The following GYS2 variants were observed in gnomAD, a reference collection of about 807,000 sequenced individuals.
The protein encoded by GYS2 is glycogen synthase 2.
Under a neutral mutation model 85.6 loss-of-function variants are expected in GYS2, and 80 were observed. That is an observed-to-expected ratio of 0.93 (90% CI 0.78 to 1.13). The LOEUF (loss-of-function observed/expected upper bound fraction) is 1.13, where lower values mean the gene tolerates loss of function less well. Ranked by LOEUF, GYS2 falls within the 50% of genes most tolerant of loss-of-function variation. The pLI is 0.00. For synonymous variants in GYS2, 328 were observed against 300.7 expected (o/e 1.09, Z -0.94); for missense variants, 881 against 854.9 (o/e 1.03, Z -0.38).
chr12:21,589,322 G>A (rs1017279142), intron 1 of GYS2, among the ~76,000 whole-genome samples: 7 of 152,112 alleles, frequency 4.6e-5, no homozygotes, highest in East Asian at 1.9e-4. Context: ...TAACTAATTC[G>A]CTACTTCTTT....
At chr12:21,564,126 G>T (rs997323962) in intron 5 of GYS2, among the ~76,000 whole-genome samples, 4 of 152,194 alleles carry the variant, frequency 2.6e-5, no homozygotes, top group African/African-American at 7.2e-5. Context: ...TTGAATACAT[G>T]GGTTATCAGA....
At chr12:21,594,162 T>C (rs1368407438) in intron 1 of GYS2, among the ~76,000 whole-genome samples, 1 of 152,144 alleles carries the variant, frequency 6.6e-6, no homozygotes, top group Non-Finnish European at 1.5e-5. Flanking sequence ...TGGGAAAAGC[T>C]GGAAGCCTTT....
chr12:21,577,130 A>G (rs1487327380), intron 2 of GYS2, among the ~76,000 whole-genome samples: 1 of 152,028 alleles, frequency 6.6e-6, no homozygotes, highest in Non-Finnish European at 1.5e-5. Flanking sequence ...GACCCTCATT[A>G]TGTTTCAGTT....
At chr12:21,592,854 A>T (rs1786492486) in intron 1 of GYS2, among the ~76,000 whole-genome samples, 1 of 152,088 alleles carries the variant, frequency 6.6e-6, no homozygotes, top group Non-Finnish European at 1.5e-5. Context: ...CACATGACGC[A>T]TTCCCCAGGA....
At chr12:21,590,017 C>A (rs960001240) in intron 1 of GYS2, among the ~76,000 whole-genome samples, 11 of 152,206 alleles carry the variant, frequency 7.2e-5, no homozygotes, top group African/African-American at 2.6e-4. Context: ...TAGAAGTGGA[C>A]TCCCCCACCC....
At chr12:21,583,709 G>T (rs1191763792) in intron 1 of GYS2, among the ~76,000 whole-genome samples, 2 of 152,170 alleles carry the variant, frequency 1.3e-5, no homozygotes, top group African/African-American at 4.8e-5. Context: ...ACTGGGCTTT[G>T]GTGGAAACGA....
chr12:21,594,066 A>G (rs1944669072), intron 1 of GYS2, among the ~76,000 whole-genome samples: 1 of 152,298 alleles, frequency 6.6e-6, no homozygotes, highest in East Asian at 1.9e-4. Flanking sequence ...CATGATAAAA[A>G]CTATCTGCAG....
At chr12:21,574,817 G>A (rs1488805896) in intron 3 of GYS2, among the ~76,000 whole-genome samples, 5 of 151,456 alleles carry the variant, frequency 3.3e-5, no homozygotes. Context: ...GAAATGGCCA[G>A]GAAGAGACTT....
Position 21,537,082 on chromosome 12 carries a change from C to T in GYS2, c.1984G>A (p.Glu662Lys). 6.2e-7 allele frequency: 1 copy of T among 1,613,890 alleles called. No homozygotes were observed. The highest frequency in any genetic ancestry group is 8.5e-7 in the Non-Finnish European group (1 of 1,179,820). ...SSPQSSDVED[E>K]VEDERYDEEE... is the part of the protein sequence containing the mutation. ...TCATCGTATCTCTCATCCTCCACTT[C>T]ATCTTCCACATCACTGCTCTGAGGA... The change falls in exon 16 of 16, where the codon GAA (glutamate) becomes AAA (lysine). Residue 662 changes from glutamate to lysine, a missense_variant. By Grantham distance (56) the Glu-to-Lys change is moderately conservative. Transcript: ENST00000261195.
chr12:21,559,261 G>A, intron 9 of GYS2, 92 bp from the exon 10 acceptor site: 2 of 649,052 alleles, frequency 3.1e-6, no homozygotes, highest in Non-Finnish European at 2.7e-6. Flanking sequence ...TATATTTCAT[G>A]TATTTTAATA....
chr12:21,557,734 C>T (rs975477073), intron 11 of GYS2, among the ~76,000 whole-genome samples: 5 of 152,028 alleles, frequency 3.3e-5, no homozygotes, highest in Admixed American at 2.0e-4. Context: ...CCCGTCTCTA[C>T]TAAAAATACA....
At chr12:21,557,913 A>C (rs1489217834) in intron 11 of GYS2, among the ~76,000 whole-genome samples, 3 of 152,194 alleles carry the variant, frequency 2.0e-5, no homozygotes, top group African/African-American at 7.2e-5. Context: ...AAAGAAAAAA[A>C]AGAAATAAAA....
chr12:21,564,965 G>A (rs1176952625), intron 5 of GYS2, among the ~76,000 whole-genome samples: 2 of 152,092 alleles, frequency 1.3e-5, no homozygotes, highest in African/African-American at 2.4e-5. Context: ...ATGCAGTGGT[G>A]TCATACAACT....
At chr12:21,541,425 T>G (rs928957934) in intron 13 of GYS2, among the ~76,000 whole-genome samples, 10 of 151,998 alleles carry the variant, frequency 6.6e-5, no homozygotes, top group African/African-American at 2.4e-4. Flanking sequence ...TTAGGTGAAC[T>G]TTGCTAAGTT....
At chr12:21,540,936 C>T (rs1943965890) in intron 13 of GYS2, among the ~76,000 whole-genome samples, 1 of 151,964 alleles carries the variant, frequency 6.6e-6, no homozygotes. Context: ...GGCTGAAAAC[C>T]CCAGATCTAG....
At chr12:21,575,737 A>C in intron 3 of GYS2, 129 bp downstream of exon 3, 1 of 757,198 alleles carries the variant, frequency 1.3e-6, no homozygotes. Context: ...GATTTCTTTC[A>C]ATTGTATTAG....
intron 13 of GYS2, 149 bp downstream of exon 13, chr12:21,542,347 G>T: frequency 1.5e-6 from 1 of 660,768 alleles, no homozygotes; most frequent in Non-Finnish European, 2.8e-6. Context: ...ACTGTGCCCA[G>T]CCTAAATTGA....
chr12:21,546,587 G>T (rs1944043121), intron 11 of GYS2, 117 bp from the exon 12 acceptor site: 4 of 651,442 alleles, frequency 6.1e-6, no homozygotes, highest in Non-Finnish European at 1.1e-5. Context: ...TCTAGATTCA[G>T]AAAGAAAAAA....
chr12:21,571,368 T>G (rs954039497), intron 4 of GYS2, among the ~76,000 whole-genome samples: 1 of 152,260 alleles, frequency 6.6e-6, no homozygotes, highest in Non-Finnish European at 1.5e-5. Context: ...AGGACATATC[T>G]GGACCTGGTC....
Sources: allele counts gnomAD v4.1 joint callset (sites outside exome capture counted in the v4.1 genomes callset), GRCh38; gene constraint gnomAD v4.1.1; transcripts MANE v1.5; gene names NCBI Gene and HGNC (gene_info 2026-07-23, HGNC 2026-07-21).